The following CGNL1 variants were observed in gnomAD, a reference collection of about 807,000 sequenced individuals.
CGNL1 encodes the protein cingulin like 1, also known as cingulin-like protein 1.
CGNL1 carries 132 observed loss-of-function variants against 141.2 expected under a neutral mutation model. The ratio of observed to expected loss-of-function variants is 0.93; its 90% CI spans 0.81 to 1.08. The LOEUF (loss-of-function observed/expected upper bound fraction) is 1.08, where lower values mean the gene tolerates loss of function less well. Ranked by LOEUF, CGNL1 falls within the 50% of genes least tolerant of loss-of-function variation. The pLI is 0.00. For missense variants in CGNL1, 1,870 were observed against 1,588.6 expected (o/e 1.18, Z -3.01); for synonymous variants, 690 against 622.1 (o/e 1.11, Z -1.63).
At chr15:57,534,291 A>G (rs1391644356) in intron 14 of CGNL1, among the ~76,000 whole-genome samples, 5 of 152,120 alleles carry the variant, frequency 3.3e-5, no homozygotes, top group African/African-American at 1.2e-4. Flanking sequence ...GGTGTTTGTT[A>G]TAAGTGGAGA....
intron 1 of CGNL1, among the ~76,000 whole-genome samples, chr15:57,428,456 G>A (rs1329658790): frequency 2.0e-5 from 3 of 152,144 alleles, no homozygotes; most frequent in African/African-American, 4.8e-5. Context: ...AGAAATCACC[G>A]GGGCTGGCCT....
intron 7 of CGNL1, among the ~76,000 whole-genome samples, chr15:57,458,143 A>G (rs1343843393): frequency 5.9e-5 from 9 of 152,194 alleles, no homozygotes; most frequent in South Asian, 2.1e-4. Context: ...CTTATGATGT[A>G]TAAGGACCAG....
intron 1 of CGNL1, among the ~76,000 whole-genome samples, chr15:57,431,278 C>T (rs2063041555): frequency 6.6e-6 from 1 of 152,150 alleles, no homozygotes; most frequent in Non-Finnish European, 1.5e-5. Context: ...ATTTCCAAAC[C>T]TCAAGTTTAT....
At chr15:57,517,884 T>C (rs944315642) in intron 9 of CGNL1, among the ~76,000 whole-genome samples, 11 of 152,204 alleles carry the variant, frequency 7.2e-5, no homozygotes, top group African/African-American at 2.6e-4. Flanking sequence ...ATTCAAAGCA[T>C]AGCAGTCATC....
intron 8 of CGNL1, among the ~76,000 whole-genome samples, chr15:57,474,867 A>T (rs769753067): frequency 1.3e-5 from 2 of 152,220 alleles, no homozygotes; most frequent in Non-Finnish European, 2.9e-5. Flanking sequence ...AATTTATTCC[A>T]TGTACAGTGA....
intron 1 of CGNL1, among the ~76,000 whole-genome samples, chr15:57,401,590 T>C (rs2062661021): frequency 6.6e-6 from 1 of 152,230 alleles, no homozygotes; most frequent in African/African-American, 2.4e-5. Flanking sequence ...TTCAACCTGA[T>C]GAAGTGTTTA....
chr15:57,440,230 GA>G (rs1419690207), intron 2 of CGNL1, 146 bp from the exon 3 acceptor site: 1 of 623,116 alleles, frequency 1.6e-6, no homozygotes. Flanking sequence ...TTGAGGCGAG[GA>G]GAAGTTAAGT....
At chr15:57,472,062 C>G (rs1484052185) in intron 8 of CGNL1, among the ~76,000 whole-genome samples, 1 of 151,656 alleles carries the variant, frequency 6.6e-6, no homozygotes, top group Non-Finnish European at 1.5e-5. Flanking sequence ...GAGAGCAAGA[C>G]CCCCATCTCA....
chr15:57,477,956 T>C (rs939368285), intron 8 of CGNL1, among the ~76,000 whole-genome samples: 9 of 152,144 alleles, frequency 5.9e-5, no homozygotes, highest in Non-Finnish European at 1.0e-4. Context: ...GGTTAATAAT[T>C]TACTTTGCCC....
chr15:57,402,981 A>G (rs899917422), intron 1 of CGNL1, among the ~76,000 whole-genome samples: 4 of 152,208 alleles, frequency 2.6e-5, no homozygotes, highest in African/African-American at 9.7e-5. Flanking sequence ...TGAAAATATA[A>G]GGGGTGGGCA....
At chr15:57,518,294 A>G (rs1274969728) in intron 9 of CGNL1, 99 bp from the exon 10 acceptor site, 6 of 849,776 alleles carry the variant, frequency 7.1e-6, no homozygotes, top group East Asian at 2.7e-5. Context: ...AGCCACTGCC[A>G]TATCTATGGG....
Position 57,525,097 on chromosome 15 carries a change from C to G in CGNL1, c.3039+346C>G, listed in dbSNP as rs140930031. On this transcript the variant is annotated intron_variant, in intron 12 of 18. Coordinates refer to ENST00000281282, the MANE Select transcript of CGNL1 (RefSeq NM_032866.5). Reference sequence around the variant, plus strand: ...TATGCTTTCATGTTTTAATTTAATCCTAGAATAGGGATTACAGTAACTGAC... The same window carrying G: ...TATGCTTTCATGTTTTAATTTAATCGTAGAATAGGGATTACAGTAACTGAC... 4.3e-3 allele frequency among the ~76,000 whole-genome samples: 660 copies of G among 152,126 alleles called. 8 individuals carry two copies. Among genetic ancestry groups the G allele is most frequent in the African/African-American group, 0.015 (625 of 41,460 alleles).
chr15:57,418,166 G>A (rs950969641), intron 1 of CGNL1, among the ~76,000 whole-genome samples: 1 of 152,160 alleles, frequency 6.6e-6, no homozygotes, highest in Admixed American at 6.5e-5. Context: ...GTGGATCAGG[G>A]ATGCTGGGTT....
At position 57,447,210 on chromosome 15, in the gene CGNL1, G is replaced by A. The variant is rs550078763; in HGVS notation, c.1804-4290G>A. 5.3e-5 allele frequency among the ~76,000 whole-genome samples: 8 copies of A among 150,868 alleles called. No individual in the cohort carries two copies. The South Asian group carries it at 1.7e-3, about 31-fold the overall frequency. On this transcript the variant is annotated intron_variant, in intron 4 of 18. Coordinates refer to ENST00000281282, the MANE Select transcript of CGNL1 (RefSeq NM_032866.5). ...CAGCAGCGTTCCGTCATTTTTGTTAGAGAGGTCTCGCACATCTTTCATTTA... is the reference window on the plus strand; with the variant it reads ...CAGCAGCGTTCCGTCATTTTTGTTAAAGAGGTCTCGCACATCTTTCATTTA...
chr15:57,431,661 G>A (rs1251532978), intron 1 of CGNL1, among the ~76,000 whole-genome samples: 1 of 152,190 alleles, frequency 6.6e-6, no homozygotes, highest in East Asian at 1.9e-4. Context: ...GCTGCCTGTG[G>A]CCCAGGATGG....
rs558136050 is a variant in CGNL1, at chr15:57,468,460, G to A, written c.2403+6568G>A. 2.6e-5 allele frequency among the ~76,000 whole-genome samples: 4 copies of A among 151,986 alleles called. No individual in the cohort carries two copies. In the South Asian group the frequency reaches 6.2e-4, roughly 24 times the overall value. ...TTGCTCAGGCTGGTCTTGAACTCCTGAGCTCAGGCCATCTGCTCACGTCAG... is the reference window on the plus strand; with the variant it reads ...TTGCTCAGGCTGGTCTTGAACTCCTAAGCTCAGGCCATCTGCTCACGTCAG... On this transcript the variant is annotated intron_variant, in intron 8 of 18. Coordinates refer to ENST00000281282, the MANE Select transcript of CGNL1 (RefSeq NM_032866.5).
chr15:57,452,694 GT>G (rs11311063), intron 6 of CGNL1, among the ~76,000 whole-genome samples: 40,830 of 151,928 alleles, frequency 0.27, 5,628 homozygotes, highest in African/African-American at 0.28. Flanking sequence ...GATGGTGCTG[GT>G]GTTTGTGATG....
intron 8 of CGNL1, among the ~76,000 whole-genome samples, chr15:57,470,254 C>CTT (rs1346227903): frequency 2.0e-4 from 7 of 34,544 alleles, no homozygotes; most frequent in African/African-American, 1.4e-3. Context: ...TTTTTTGTCT[C>CTT]TCTTTTTTTT....
intron 8 of CGNL1, among the ~76,000 whole-genome samples, chr15:57,463,261 T>C (rs1272395194): frequency 6.6e-6 from 1 of 152,214 alleles, no homozygotes; most frequent in Non-Finnish European, 1.5e-5. Flanking sequence ...TTCCAGGTTC[T>C]CTACTGTCAG....
Sources: gnomAD v4.1 joint callset for allele counts (sites outside exome capture counted in the v4.1 genomes callset) on GRCh38, gnomAD v4.1.1 for gene constraint, MANE v1.5 for transcripts, NCBI Gene and HGNC (gene_info 2026-07-23, HGNC 2026-07-21) for gene names.